Variants in SPAG16 observed in about 807,000 individuals in gnomAD.
The protein encoded by SPAG16 is sperm associated antigen 16.
Under a neutral mutation model 80.4 loss-of-function variants are expected in SPAG16, and 86 were observed. The ratio of observed to expected loss-of-function variants is 1.07; its 90% CI spans 0.90 to 1.28. SPAG16 has a LOEUF of 1.28. Among genes scored for constraint, SPAG16 ranks in the 50% most tolerant of loss-of-function variants. The probability of loss-of-function intolerance (pLI) is 0.00; values close to 1 mark genes in which losing one functional copy is unlikely to be tolerated. For synonymous variants in SPAG16, 294 were observed against 265.9 expected (o/e 1.11, Z -1.03); for missense variants, 870 against 765.3 (o/e 1.14, Z -1.61).
chr2:213,615,613 T>TA (rs200236629), intron 10 of SPAG16, among the ~76,000 whole-genome samples: 12 of 151,844 alleles, frequency 7.9e-5, no homozygotes, highest in Admixed American at 3.9e-4. Flanking sequence ...CAAAAACAAT[T>TA]AAAAAAAACC....
intron 10 of SPAG16, among the ~76,000 whole-genome samples, chr2:213,731,580 C>G (rs1279131997): frequency 6.6e-6 from 1 of 151,884 alleles, no homozygotes; most frequent in Non-Finnish European, 1.5e-5. Flanking sequence ...CATCCCATCA[C>G]CCAGGTATTA....
intron 3 of SPAG16, among the ~76,000 whole-genome samples, chr2:213,304,150 T>C (rs2062851506): frequency 6.6e-6 from 1 of 152,194 alleles, no homozygotes; most frequent in Non-Finnish European, 1.5e-5. Flanking sequence ...ATTGAGCACC[T>C]TTTTATTTAA....
chr2:213,745,419 A>G (rs1203293912), intron 10 of SPAG16, among the ~76,000 whole-genome samples: 3 of 151,806 alleles, frequency 2.0e-5, no homozygotes, highest in African/African-American at 7.3e-5. Flanking sequence ...ATTTTTGTAT[A>G]TTTAGTAGAG....
chr2:213,478,159 G>C (rs971731454), intron 9 of SPAG16, among the ~76,000 whole-genome samples: 3 of 152,184 alleles, frequency 2.0e-5, no homozygotes, highest in African/African-American at 7.2e-5. Flanking sequence ...GCGATCTGGA[G>C]CTGAGTCAAT....
intron 15 of SPAG16, among the ~76,000 whole-genome samples, chr2:214,227,894 A>G (rs1688388426): frequency 6.6e-6 from 1 of 151,848 alleles, no homozygotes; most frequent in African/African-American, 2.4e-5. Flanking sequence ...TAAGCAGTTA[A>G]CCTTCTTTCT....
At chr2:214,333,521 G>C (rs1576805369) in intron 15 of SPAG16, among the ~76,000 whole-genome samples, 1 of 152,148 alleles carries the variant, frequency 6.6e-6, no homozygotes, top group Admixed American at 6.5e-5. Context: ...CTATCTTACT[G>C]TCAGTGCTGG....
chr2:213,927,655 T>A (rs1480024858), intron 11 of SPAG16, among the ~76,000 whole-genome samples: 1 of 152,220 alleles, frequency 6.6e-6, no homozygotes. Context: ...GTTACAGCAC[T>A]CACAAAGAAA....
chr2:214,295,625 T>C (rs534925038), intron 15 of SPAG16, among the ~76,000 whole-genome samples: 1 of 152,080 alleles, frequency 6.6e-6, no homozygotes, highest in Non-Finnish European at 1.5e-5. Context: ...ACCCCATCTC[T>C]ACTGAAAATG....
chr2:214,023,317 C>T (rs986758173), intron 13 of SPAG16, among the ~76,000 whole-genome samples: 12 of 151,602 alleles, frequency 7.9e-5, no homozygotes, highest in African/African-American at 2.9e-4. Context: ...TACTGATTTT[C>T]CACCAAAATG....
chr2:213,626,632 T>G, intron 10 of SPAG16, among the ~76,000 whole-genome samples: 1 of 149,822 alleles, frequency 6.7e-6, no homozygotes, highest in South Asian at 2.1e-4. Flanking sequence ...ATTATTACTA[T>G]CGGGCTCAAT....
chr2:213,478,057 C>T (rs1166706243), intron 9 of SPAG16, among the ~76,000 whole-genome samples: 1 of 152,112 alleles, frequency 6.6e-6, no homozygotes, highest in African/African-American at 2.4e-5. Context: ...ATTTCCCCTT[C>T]TTGCACTCAC....
intron 12 of SPAG16, among the ~76,000 whole-genome samples, chr2:213,991,324 G>A (rs116580349): frequency 0.032 from 4,828 of 152,124 alleles, 243 homozygotes; most frequent in African/African-American, 0.11. Context: ...TCTGCAAAGG[G>A]CATGAACTCA....
At chr2:213,985,995 G>A (rs1293806792) in intron 12 of SPAG16, among the ~76,000 whole-genome samples, 1 of 152,058 alleles carries the variant, frequency 6.6e-6, no homozygotes. Context: ...AGAAAAAGGA[G>A]TTGTTTTTTG....
At chr2:213,809,166 G>C (rs1315391451) in intron 10 of SPAG16, among the ~76,000 whole-genome samples, 1 of 152,178 alleles carries the variant, frequency 6.6e-6, no homozygotes, top group Non-Finnish European at 1.5e-5. Flanking sequence ...TTGACAGTAA[G>C]GGAATACATT....
chr2:213,727,689 G>C (rs914502185), intron 10 of SPAG16, among the ~76,000 whole-genome samples: 3 of 152,138 alleles, frequency 2.0e-5, no homozygotes, highest in Non-Finnish European at 2.9e-5. Flanking sequence ...GCTATTCCAA[G>C]GATTTTGGTT....
intron 10 of SPAG16, among the ~76,000 whole-genome samples, chr2:213,839,962 A>G (rs376521451): frequency 2.6e-5 from 4 of 152,294 alleles, no homozygotes; most frequent in East Asian, 1.9e-4. Context: ...GGAAAAGAAC[A>G]TTTATATTGG....
chr2:213,773,147 T>A (rs1446095107), intron 10 of SPAG16, among the ~76,000 whole-genome samples: 2 of 152,188 alleles, frequency 1.3e-5, no homozygotes, highest in East Asian at 1.9e-4. Flanking sequence ...ATCATTTTTT[T>A]AATTTAGTGT....
intron 15 of SPAG16, among the ~76,000 whole-genome samples, chr2:214,286,161 C>G (rs1165619690): frequency 2.0e-5 from 3 of 152,020 alleles, no homozygotes; most frequent in African/African-American, 7.3e-5. Flanking sequence ...ATGGTGGTTG[C>G]TGGGCTGTGG....
chr2:213,346,461 G>A (rs1053088665), intron 6 of SPAG16, among the ~76,000 whole-genome samples: 7 of 152,272 alleles, frequency 4.6e-5, no homozygotes, highest in Admixed American at 6.5e-5. Flanking sequence ...TCTTGTGCCA[G>A]TTTTCAAAGG....
Sources: allele counts gnomAD v4.1 joint callset (sites outside exome capture counted in the v4.1 genomes callset), GRCh38; gene constraint gnomAD v4.1.1; transcripts MANE v1.5; gene names NCBI Gene and HGNC (gene_info 2026-07-23, HGNC 2026-07-21).